Variants in ZEB1 observed in about 807,000 individuals in gnomAD.
ZEB1 encodes zinc finger E-box binding homeobox 1, also known as zinc finger E-box-binding homeobox 1.
ZEB1 carries 21 observed loss-of-function variants against 84.9 expected under a neutral mutation model. That is an observed-to-expected ratio of 0.25 (90% CI 0.18 to 0.36). The LOEUF (loss-of-function observed/expected upper bound fraction) is 0.36, where lower values mean the gene tolerates loss of function less well. Among genes scored for constraint, ZEB1 ranks in the 10% least tolerant of loss-of-function variants. The pLI is 1.00. For synonymous variants in ZEB1, 420 were observed against 471.1 expected (o/e 0.89, Z 1.41); for missense variants, 1,104 against 1,330.2 (o/e 0.83, Z 2.65).
intron 1 of ZEB1, among the ~76,000 whole-genome samples, chr10:31,445,868 T>C (rs2059696352): frequency 8.3e-6 from 1 of 120,168 alleles, no homozygotes; most frequent in Non-Finnish European, 1.7e-5. Context: ...GATATTGGTC[T>C]AAAATTCTCT....
chr10:31,498,012 C>T (rs2067523966), intron 3 of ZEB1, among the ~76,000 whole-genome samples: 1 of 151,862 alleles, frequency 6.6e-6, no homozygotes, highest in South Asian at 2.1e-4. Context: ...TATTTGCTCT[C>T]TCAAATACAT....
At chr10:31,442,030 C>G (rs1329354675) in intron 1 of ZEB1, among the ~76,000 whole-genome samples, 2 of 152,132 alleles carry the variant, frequency 1.3e-5, no homozygotes, top group African/African-American at 4.8e-5. Flanking sequence ...ACTAGAAATA[C>G]CATTTGACCC....
In ZEB1 at chr10:31,338,286, C is replaced by T. The variant is rs150840361; in HGVS notation, c.58+18994C>T. 6.5e-3 allele frequency among the ~76,000 whole-genome samples: 987 copies of T among 152,230 alleles called. 12 individuals carry two copies. The highest frequency in any genetic ancestry group is 0.022 in the African/African-American group (906 of 41,534). On this transcript the variant is annotated intron_variant, in intron 1 of 8. Transcript: ENST00000424869. Reference sequence around the variant, plus strand: ...AACAATAGCATTTTTGTATCAGGCACTATTCTCAATATCGTTAAAATATTA... The same window carrying T: ...AACAATAGCATTTTTGTATCAGGCATTATTCTCAATATCGTTAAAATATTA...
intron 1 of ZEB1, among the ~76,000 whole-genome samples, chr10:31,456,785 ATAG>A (rs1221304331): frequency 7.9e-5 from 12 of 152,232 alleles, no homozygotes; most frequent in Middle Eastern, 3.4e-3. Flanking sequence ...TACCAAGCTA[ATAG>A]TAGTAGCAGA....
chr10:31,506,035 A>T (rs1269647486), intron 4 of ZEB1, among the ~76,000 whole-genome samples: 1 of 152,028 alleles, frequency 6.6e-6, no homozygotes, highest in East Asian at 1.9e-4. Context: ...GTGGTTATTC[A>T]AAAGCATGTT....
chr10:31,475,621 A>G (rs532047364), intron 2 of ZEB1, among the ~76,000 whole-genome samples: 1 of 152,314 alleles, frequency 6.6e-6, no homozygotes, highest in African/African-American at 2.4e-5. Context: ...GTAAAACATA[A>G]GAGATTAGAG....
At chr10:31,444,686 CTTGT>C (rs2059527126) in intron 1 of ZEB1, among the ~76,000 whole-genome samples, 1 of 152,066 alleles carries the variant, frequency 6.6e-6, no homozygotes, top group South Asian at 2.1e-4. Context: ...TTCCCCATTG[CTTGT>C]TTTTCTCAGG....
intron 1 of ZEB1, among the ~76,000 whole-genome samples, chr10:31,342,052 C>T (rs1229303526): frequency 1.3e-5 from 2 of 152,112 alleles, no homozygotes; most frequent in African/African-American, 2.4e-5. Context: ...TTATTCTTTA[C>T]GTATATTAAC....
chr10:31,496,136 T>G (rs992070191), intron 3 of ZEB1, among the ~76,000 whole-genome samples: 16 of 152,214 alleles, frequency 1.1e-4, no homozygotes, highest in African/African-American at 3.9e-4. Flanking sequence ...TGAACTTCTA[T>G]CAAGTTTTTG....
Position 31,364,121 on chromosome 10 carries a change from C to T in ZEB1, c.58+44829C>T, listed in dbSNP as rs554597925. 2.0e-5 allele frequency among the ~76,000 whole-genome samples: 3 copies of T among 152,330 alleles called. No homozygotes were observed. In the East Asian group the frequency reaches 5.8e-4, roughly 29 times the overall value. ...GGATACTCCTAAGTCACCCACTTCT[C>T]TGTGGCTGGGTGCACACTGGGCATC... On this transcript the variant is annotated intron_variant, in intron 1 of 8. Transcript: ENST00000424869.
intron 1 of ZEB1, among the ~76,000 whole-genome samples, chr10:31,362,483 G>A (rs774733913): frequency 5.7e-5 from 8 of 140,018 alleles, no homozygotes; most frequent in Non-Finnish European, 1.1e-4. Context: ...TCCCAGACAG[G>A]GCGGCGGCCT....
intron 1 of ZEB1, chr10:31,321,474 A>G: frequency 1.2e-6 from 2 of 1,614,022 alleles, no homozygotes. Flanking sequence ...TTTTAGCGTC[A>G]AATAGTGTGT....
At chr10:31,415,782 G>A (rs181699719) in intron 1 of ZEB1, among the ~76,000 whole-genome samples, 1 of 152,174 alleles carries the variant, frequency 6.6e-6, no homozygotes, top group Admixed American at 6.5e-5. Context: ...CACTAATATT[G>A]ATTGGTTATT....
intron 1 of ZEB1, among the ~76,000 whole-genome samples, chr10:31,376,325 CATGAA>C (rs2046616961): frequency 6.6e-6 from 1 of 151,716 alleles, no homozygotes; most frequent in Admixed American, 6.6e-5. Context: ...TCATACTCCT[CATGAA>C]ATGAGGTTGT....
chr10:31,475,484 G>A (rs778171831), intron 2 of ZEB1, among the ~76,000 whole-genome samples: 9 of 152,108 alleles, frequency 5.9e-5, no homozygotes, highest in Admixed American at 3.3e-4. Flanking sequence ...CATGACCAAG[G>A]CATATAGTCA....
chr10:31,432,775 T>G (rs918158957), intron 1 of ZEB1, among the ~76,000 whole-genome samples: 1 of 152,046 alleles, frequency 6.6e-6, no homozygotes, highest in Admixed American at 6.5e-5. Flanking sequence ...TAGAAAAATT[T>G]TAAATATTTA....
intron 1 of ZEB1, chr10:31,320,107 C>G (rs1241233149): frequency 2.0e-5 from 3 of 151,638 alleles, no homozygotes; most frequent in South Asian, 4.1e-4. Flanking sequence ...TCCCGCTGCC[C>G]GGCCCAGAGC....
chr10:31,362,258 G>A (rs748162372), intron 1 of ZEB1, among the ~76,000 whole-genome samples: 2 of 148,936 alleles, frequency 1.3e-5, no homozygotes, highest in Non-Finnish European at 3.0e-5. Context: ...AGGCAGAGGC[G>A]GCGCTCCTCC....
At chr10:31,449,932 A>T (rs945501481) in intron 1 of ZEB1, among the ~76,000 whole-genome samples, 4 of 152,198 alleles carry the variant, frequency 2.6e-5, no homozygotes, top group Non-Finnish European at 5.9e-5. Flanking sequence ...AATCTTGGCA[A>T]TGAGGAAACT....
Sources: gnomAD v4.1 joint callset for allele counts (sites outside exome capture counted in the v4.1 genomes callset) on GRCh38, gnomAD v4.1.1 for gene constraint, MANE v1.5 for transcripts, NCBI Gene and HGNC (gene_info 2026-07-23, HGNC 2026-07-21) for gene names.